WDR59: variants seen among roughly 807,000 people sequenced by gnomAD.
WDR59 encodes the protein GATOR2 complex protein WDR59.
A neutral mutation model predicts 131.2 loss-of-function variants in WDR59; 100 were observed. The ratio of observed to expected loss-of-function variants is 0.76; its 90% CI spans 0.65 to 0.90. The LOEUF (loss-of-function observed/expected upper bound fraction) is 0.90, where lower values mean the gene tolerates loss of function less well. Among genes scored for constraint, WDR59 ranks in the 40% least tolerant of loss-of-function variants. The pLI, the probability that WDR59 is intolerant of heterozygous loss-of-function variation, is 0.00. For missense variants in WDR59, 1,203 were observed against 1,262.2 expected (o/e 0.95, Z 0.71); for synonymous variants, 601 against 466.2 (o/e 1.29, Z -3.72).
In WDR59 at chr16:74,918,008, C is replaced by G; in HGVS notation, c.887G>C (p.Gly296Ala). 6.2e-7 allele frequency: 1 copy of G among 1,613,228 alleles called. No homozygotes were observed. The highest frequency in any genetic ancestry group is 8.5e-7 in the Non-Finnish European group (1 of 1,179,662). Residue 296 changes from glycine to alanine, a missense_variant and splice_region_variant, in exon 11 of 26, where the codon GGG becomes GCG. Transcript: ENST00000262144. ...CGTCACCAGTTGATAGTCCTTGGAC[C>G]CTAGAAATCACCAAATAAGAATCCT... ...LEFQWRKQKEGSKDYQLVTWS... is the reference protein window; with the variant it reads ...LEFQWRKQKEASKDYQLVTWS...
At chr16:74,885,556 G>C (rs187224283) in intron 25 of WDR59, 97 bp downstream of exon 25, 4 of 1,348,004 alleles carry the variant, frequency 3.0e-6, no homozygotes, top group Non-Finnish European at 2.9e-6. Flanking sequence ...GCTTAGAAAT[G>C]AGAAGCTGAA....
intron 8 of WDR59, among the ~76,000 whole-genome samples, chr16:74,934,668 G>A (rs1394519768): frequency 6.6e-6 from 1 of 152,114 alleles, no homozygotes; most frequent in East Asian, 1.9e-4. Flanking sequence ...GAAATATCAG[G>A]GGCCAGGTGT....
intron 4 of WDR59, 138 bp downstream of exon 4, chr16:74,951,320 G>A: frequency 1.3e-6 from 1 of 770,610 alleles, no homozygotes; most frequent in Non-Finnish European, 2.2e-6. Context: ...CTCAGTGAAT[G>A]CTAATAACCC....
At position 74,908,398 on chromosome 16, in the gene WDR59, C is replaced by G. The variant is rs148813090; in HGVS notation, c.1712+510G>C. 6.5e-3 allele frequency among the ~76,000 whole-genome samples: 994 copies of G among 152,242 alleles called. 14 individuals carry two copies. Among genetic ancestry groups the G allele is most frequent in the African/African-American group, 0.023 (957 of 41,546 alleles). On this transcript the variant is annotated intron_variant, in intron 17 of 25. Transcript: ENST00000262144. ...TGCCACTGCACTCCAGCCTGGGTGA[C>G]AGAGCCAGATCCTGTCTCAAAAAAA...
intron 3 of WDR59, among the ~76,000 whole-genome samples, chr16:74,952,709 G>A (rs74026632): frequency 0.022 from 3,359 of 151,302 alleles, 132 homozygotes; most frequent in African/African-American, 0.076. Flanking sequence ...CACACTGAAA[G>A]TGATAAAGAT....
chr16:74,875,938 C>T (rs1004044328), intron 25 of WDR59, among the ~76,000 whole-genome samples: 3 of 152,136 alleles, frequency 2.0e-5, no homozygotes, highest in African/African-American at 4.8e-5. Context: ...CTTCTGTCCC[C>T]GAGATGGTGA....
chr16:74,906,366 A>G (rs992492456), intron 17 of WDR59, among the ~76,000 whole-genome samples: 1 of 150,782 alleles, frequency 6.6e-6, no homozygotes, highest in African/African-American at 2.4e-5. Flanking sequence ...CAGAATGGCT[A>G]AAGTTGAAAG....
chr16:74,896,159 G>A (rs1965286928), intron 18 of WDR59, among the ~76,000 whole-genome samples: 3 of 152,064 alleles, frequency 2.0e-5, no homozygotes, highest in Admixed American at 6.6e-5. Context: ...TTGGTCTTCT[G>A]GATAGGGTGG....
chr16:74,877,682 C>T (rs1567680165), intron 25 of WDR59, among the ~76,000 whole-genome samples: 1 of 152,156 alleles, frequency 6.6e-6, no homozygotes, highest in East Asian at 1.9e-4. Context: ...GTGGCTGGGA[C>T]TACAGGCGCC....
chr16:74,872,937 C>G lies in WDR59; in HGVS notation c.*1272G>C, dbSNP rs1964037602. 1 of 151,338 alleles carries G rather than the reference C, an allele frequency of 6.6e-6. No homozygotes were observed. Among genetic ancestry groups the G allele is most frequent in the Admixed American group, 6.6e-5 (1 of 15,134 alleles). 9.4% of individuals were successfully genotyped at this position (151,338 alleles called of 1,614,324 possible). A position where few individuals can be genotyped will look rare whatever the true frequency, so the allele number is the denominator to read the frequency against. On this transcript the variant is annotated 3_prime_UTR_variant, in exon 26 of 26. Transcript: ENST00000262144. ...TTTTTTTCTTTTTTTGAGACAGAGT[C>G]TCACTCTTGTCACCCAGGCTGGAGT...
At chr16:74,888,144 CA>C in intron 22 of WDR59, 24 bp downstream of exon 22, 1 of 1,472,090 alleles carries the variant, frequency 6.8e-7, no homozygotes, top group East Asian at 2.4e-5. Flanking sequence ...AAAAATCAGA[CA>C]AAACCAGAAA....
intron 1 of WDR59, chr16:74,979,023 A>C (rs2034295441): frequency 6.6e-6 from 1 of 152,206 alleles, no homozygotes; most frequent in African/African-American, 2.4e-5. Flanking sequence ...TTTCCTTGAG[A>C]GTGAAAACTA....
intron 25 of WDR59, among the ~76,000 whole-genome samples, chr16:74,877,096 T>G (rs1163834798): frequency 6.6e-6 from 1 of 152,116 alleles, no homozygotes; most frequent in Non-Finnish European, 1.5e-5. Flanking sequence ...ATGTGTTCTA[T>G]TAGTTCATCA....
rs184083654 is a variant in WDR59, at chr16:74,924,461, G to C, written c.652-458C>G. Among the ~76,000 whole-genome samples the C allele has an allele frequency of 2.3e-3, 356 of 152,152 alleles. 1 individual carries two copies. The highest frequency in any genetic ancestry group is 4.2e-3 in the South Asian group (20 of 4,818). On this transcript the variant is annotated intron_variant, in intron 8 of 25. Transcript: ENST00000262144. ...GTTATTAATCTCTTTTTCAAATGTA[G>C]AGGCTATATAAAGAAACGACATAAT...
chr16:74,873,879 T>G lies in WDR59; in HGVS notation c.*330A>C, dbSNP rs77900288. On this transcript the variant is annotated 3_prime_UTR_variant, in exon 26 of 26. Coordinates refer to ENST00000262144, the MANE Select transcript of WDR59 (RefSeq NM_030581.4). ...TGCTCGGTGGTTTAAGGCTAACACCTTACAGGGTAACACTGTAACACTGGC... is the reference window on the plus strand; with the variant it reads ...TGCTCGGTGGTTTAAGGCTAACACCGTACAGGGTAACACTGTAACACTGGC... The G allele has an allele frequency of 3.4e-6, 1 of 291,898 alleles. No homozygotes were observed. Among genetic ancestry groups the G allele is most frequent in the African/African-American group, 2.2e-5 (1 of 46,038 alleles). The allele number at this position is 291,898 out of a possible 1,614,324, so 18.1% of individuals were successfully genotyped here. A position where few individuals can be genotyped will look rare whatever the true frequency, so the allele number is the denominator to read the frequency against.
At chr16:74,914,813 C>T (rs564564660) in intron 13 of WDR59, among the ~76,000 whole-genome samples, 12 of 151,952 alleles carry the variant, frequency 7.9e-5, no homozygotes, top group Middle Eastern at 3.4e-3. Context: ...AAGAAGGTGT[C>T]GATCTCTTCA....
At chr16:74,945,100 G>A (rs1331433780) in intron 6 of WDR59, among the ~76,000 whole-genome samples, 3 of 151,894 alleles carry the variant, frequency 2.0e-5, no homozygotes, top group African/African-American at 7.3e-5. Context: ...CTATAGCCTG[G>A]CCGACAGAGC....
chr16:74,977,416 C>T (rs1414884264), intron 1 of WDR59, among the ~76,000 whole-genome samples: 3 of 152,076 alleles, frequency 2.0e-5, no homozygotes, highest in Admixed American at 1.3e-4. Context: ...CAGCCGGGCG[C>T]GGTGGCTCGC....
chr16:74,889,645 T>C (rs1309635502), intron 21 of WDR59, 58 bp downstream of exon 21: 1 of 1,425,676 alleles, frequency 7.0e-7, no homozygotes, highest in Non-Finnish European at 9.8e-7. Context: ...ATTTCAAGTG[T>C]TTACAGACCA....
Sources: allele counts gnomAD v4.1 joint callset (sites outside exome capture counted in the v4.1 genomes callset), GRCh38; gene constraint gnomAD v4.1.1; transcripts MANE v1.5; gene names NCBI Gene and HGNC (gene_info 2026-07-23, HGNC 2026-07-21).